Variants in MOB1B observed in about 807,000 individuals in gnomAD.
MOB1B encodes the protein MOB1 Mps One Binder homolog B.
In MOB1B, 19 loss-of-function variants were observed where a neutral mutation model predicts 24.4. The ratio of observed to expected loss-of-function variants is 0.78; its 90% confidence interval spans 0.54 to 1.14. The LOEUF is 1.14. Ranked by LOEUF, MOB1B falls within the 50% of genes most tolerant of loss-of-function variation. MOB1B has a pLI of 0.00. For synonymous variants in MOB1B, 76 were observed against 82.1 expected, an observed-to-expected ratio of 0.93 and a Z score of 0.40; for missense variants, 243 against 259.6, an observed-to-expected ratio of 0.94 and a Z score of 0.44.
In MOB1B at chr4:70,983,007, G is replaced by A. The variant is rs1739265224; in HGVS notation, c.*950G>A. On this transcript the variant is annotated 3_prime_UTR_variant, in exon 6 of 6. Transcript: ENST00000309395. ...ATGTATGAGGAGTTAGGGATGGGGA[G>A]TCAAGTTCTAGAAAGTTTTGTCTGA... The A allele has an allele frequency of 2.0e-5, 3 of 152,364 alleles. No individual in the cohort carries two copies. In the East Asian group the frequency reaches 5.8e-4, roughly 29 times the overall value. The allele number at this position is 152,364 out of a possible 1,614,324, so 9.4% of individuals were successfully genotyped here.
rs563950106 is a variant in MOB1B, at chr4:70,924,127, C to T, written c.14+21577C>T. The stretch of plus-strand genomic sequence containing the variant: ...AACAGATGAGCAACAGCATAACCCT[C>T]CTGCTGTTTAGAGAATCCATTTGTT... On this transcript the variant is annotated intron_variant, in intron 1 of 5. Transcript: ENST00000309395. Among the ~76,000 whole-genome samples the T allele has an allele frequency of 5.6e-4, 86 of 152,242 alleles. 1 individual carries two copies. In the South Asian group the frequency reaches 0.014, roughly 24 times the overall value.
chr4:70,906,858 G>A (rs1348335086), intron 1 of MOB1B, among the ~76,000 whole-genome samples: 1 of 152,144 alleles, frequency 6.6e-6, no homozygotes, highest in African/African-American at 2.4e-5. Flanking sequence ...TGTGTGCCAG[G>A]CGTAGAGGAA....
chr4:70,976,753 C>CAT (rs376072053), intron 4 of MOB1B: 15,888 of 182,540 alleles, frequency 0.087, 745 homozygotes, highest in African/African-American at 0.1. Context: ...GACTGAATTA[C>CAT]ATATATATAT....
chr4:70,925,643 G>A (rs1398382598), intron 1 of MOB1B, among the ~76,000 whole-genome samples: 1 of 152,042 alleles, frequency 6.6e-6, no homozygotes, highest in East Asian at 1.9e-4. Context: ...GCAGGATTTC[G>A]GGTCCTAATC....
chr4:70,975,445 T>C, intron 4 of MOB1B, 159 bp downstream of exon 4: 2 of 1,342,590 alleles, frequency 1.5e-6, no homozygotes, highest in Non-Finnish European at 1.9e-6. Flanking sequence ...CACAAAAGTT[T>C]GTTAACCCAG....
chr4:70,970,100 C>A, intron 3 of MOB1B, 76 bp downstream of exon 3: 2 of 851,838 alleles, frequency 2.3e-6, no homozygotes, highest in South Asian at 1.7e-5. Flanking sequence ...AGTTTCTGAC[C>A]ATATGATTTT....
intron 4 of MOB1B, chr4:70,975,656 T>A (rs551069055): frequency 1.0e-6 from 1 of 953,960 alleles, no homozygotes; most frequent in African/African-American, 1.8e-5. Flanking sequence ...TTTAACACTT[T>A]AAAAAAATTA....
intron 1 of MOB1B, among the ~76,000 whole-genome samples, chr4:70,908,978 G>A (rs1735870731): frequency 6.6e-6 from 1 of 151,348 alleles, no homozygotes; most frequent in South Asian, 2.1e-4. Flanking sequence ...TTGAACCTGG[G>A]AGGCGGAGGT....
intron 1 of MOB1B, among the ~76,000 whole-genome samples, chr4:70,956,795 C>T (rs980135495): frequency 2.0e-5 from 3 of 152,054 alleles, no homozygotes; most frequent in Admixed American, 6.6e-5. Flanking sequence ...TGAGGAACAT[C>T]GGTTTAATTC....
chr4:70,940,676 ATTT>A (rs796738977), intron 1 of MOB1B, among the ~76,000 whole-genome samples: 6 of 141,616 alleles, frequency 4.2e-5, no homozygotes, highest in African/African-American at 5.2e-5. Flanking sequence ...TAGGGCATTA[ATTT>A]TTTTTTTTTT....
intron 1 of MOB1B, among the ~76,000 whole-genome samples, chr4:70,933,295 C>G (rs1401317141): frequency 6.6e-6 from 1 of 152,106 alleles, no homozygotes; most frequent in African/African-American, 2.4e-5. Context: ...AACACTAAGA[C>G]ATGAGATTTG....
chr4:70,980,843 C>G (rs1050580973), intron 5 of MOB1B, among the ~76,000 whole-genome samples: 3 of 152,118 alleles, frequency 2.0e-5, no homozygotes, highest in African/African-American at 7.2e-5. Flanking sequence ...CTGATGGCAG[C>G]TGTTTCTGAG....
At chr4:70,935,885 TC>T (rs1321209359) in intron 1 of MOB1B, among the ~76,000 whole-genome samples, 50 of 132,194 alleles carry the variant, frequency 3.8e-4, no homozygotes, top group African/African-American at 1.3e-3. Flanking sequence ...GGAGTCTCGC[TC>T]TGTTGCCCAG....
chr4:70,972,886 G>T (rs1005096457), intron 3 of MOB1B, among the ~76,000 whole-genome samples: 1 of 152,086 alleles, frequency 6.6e-6, no homozygotes, highest in Admixed American at 6.5e-5. Context: ...CCATTCTCCT[G>T]CCTCAGCCCC....
rs1226569889 is a variant in MOB1B at position 70,921,481 on chromosome 4, TCTCCCCTCCCCTCCC to T, written c.14+18949_14+18963del. On this transcript the variant is annotated intron_variant, in intron 1 of 5. Transcript: ENST00000309395. ...CTTTCTTTTCTTCTCTCTTCTCTTC[TCTCCCCTCCCCTCCC>T]CTCCCCTCCCCTCCCCTTCCCTTTT... Among the ~76,000 whole-genome samples, 50 of 38,360 alleles carry T rather than the reference TCTCCCCTCCCCTCCC, an allele frequency of 1.3e-3. 1 individual carries two copies. Among genetic ancestry groups the T allele is most frequent in the African/African-American group, 3.7e-3 (46 of 12,520 alleles). The allele number at this position is 38,360 out of a possible 152,430, so 25.2% of individuals were successfully genotyped here.
intron 1 of MOB1B, among the ~76,000 whole-genome samples, chr4:70,955,544 C>T (rs556507418): frequency 1.4e-5 from 2 of 138,340 alleles, no homozygotes; most frequent in South Asian, 4.7e-4. Context: ...GATCTCGGCT[C>T]ACTGCAACCC....
At chr4:70,954,134 C>T (rs1737931393) in intron 1 of MOB1B, among the ~76,000 whole-genome samples, 1 of 152,166 alleles carries the variant, frequency 6.6e-6, no homozygotes, top group African/African-American at 2.4e-5. Context: ...TCTTTCTGAA[C>T]TAATTATCTT....
intron 5 of MOB1B, among the ~76,000 whole-genome samples, chr4:70,980,722 C>T (rs1221307984): frequency 6.6e-6 from 1 of 152,160 alleles, no homozygotes; most frequent in Non-Finnish European, 1.5e-5. Context: ...AATTCTCTGT[C>T]CACATGGTCC....
chr4:70,912,076 T>C (rs1234109639), intron 1 of MOB1B, among the ~76,000 whole-genome samples: 1 of 151,932 alleles, frequency 6.6e-6, no homozygotes, highest in Non-Finnish European at 1.5e-5. Context: ...TTTGTATTTT[T>C]AGTAGAGACA....
Sources: gnomAD v4.1 joint callset for allele counts (sites outside exome capture counted in the v4.1 genomes callset) on GRCh38, gnomAD v4.1.1 for gene constraint, MANE v1.5 for transcripts, NCBI Gene and HGNC (gene_info 2026-07-23, HGNC 2026-07-21) for gene names.